Variants in PARG observed in about 807,000 individuals in gnomAD.
The protein encoded by PARG is mitochondrial poly(ADP-ribose) glycohydrolase.
A neutral mutation model predicts 113.0 loss-of-function variants in PARG; 35 were observed. The ratio of observed to expected loss-of-function variants is 0.31; its 90% CI spans 0.24 to 0.41. The LOEUF is 0.41. PARG is among the 10% of genes least tolerant of loss of function. The pLI, the probability that PARG is intolerant of heterozygous loss-of-function variation, is 1.00. For missense variants in PARG, 797 were observed against 1,169.4 expected (o/e 0.68, Z 4.64); for synonymous variants, 330 against 409.9 (o/e 0.81, Z 2.36).
chr10:49,938,337 A>T (rs1161121924), intron 1 of PARG, among the ~76,000 whole-genome samples: 6 of 152,028 alleles, frequency 3.9e-5, no homozygotes, highest in African/African-American at 1.5e-4. Context: ...TTCCACTGAG[A>T]TCAGTAATTC....
At chr10:49,835,614 T>C (rs918893121) in intron 15 of PARG, among the ~76,000 whole-genome samples, 10 of 151,380 alleles carry the variant, frequency 6.6e-5, no homozygotes, top group Non-Finnish European at 1.5e-4. Context: ...ATGGTAATGA[T>C]AAAGATGTAG....
intron 7 of PARG, among the ~76,000 whole-genome samples, chr10:49,891,623 ATTTTTTTTTTTTT>A (rs1160158066): frequency 2.1e-4 from 10 of 47,426 alleles, no homozygotes; most frequent in Non-Finnish European, 3.6e-4. Flanking sequence ...ATATATATAT[ATTTTTTTTTTTTT>A]TTTTTTTTTT....
intron 8 of PARG, among the ~76,000 whole-genome samples, chr10:49,882,464 G>C (rs1847263151): frequency 6.6e-6 from 1 of 151,930 alleles, no homozygotes; most frequent in Non-Finnish European, 1.5e-5. Context: ...TTTCAATAGG[G>C]GGCAAAGCAC....
intron 14 of PARG, among the ~76,000 whole-genome samples, chr10:49,842,578 G>C (rs1380785113): frequency 6.6e-6 from 1 of 152,198 alleles, no homozygotes; most frequent in Non-Finnish European, 1.5e-5. Flanking sequence ...ATTGCTGACT[G>C]TGAGAAACTA....
intron 8 of PARG, among the ~76,000 whole-genome samples, chr10:49,883,725 C>T (rs1195687446): frequency 3.3e-5 from 5 of 151,514 alleles, no homozygotes; most frequent in Admixed American, 2.6e-4. Flanking sequence ...CACTTGAACC[C>T]AGGAGGCAGA....
At chr10:49,902,267 TC>T (rs1848379011) in intron 7 of PARG, among the ~76,000 whole-genome samples, 1 of 152,202 alleles carries the variant, frequency 6.6e-6, no homozygotes, top group Non-Finnish European at 1.5e-5. Flanking sequence ...TTTTGGTAAC[TC>T]CAATTCATTT....
At chr10:49,823,828 A>C (rs1844225052) in intron 16 of PARG, among the ~76,000 whole-genome samples, 1 of 152,240 alleles carries the variant, frequency 6.6e-6, no homozygotes, top group Non-Finnish European at 1.5e-5. Context: ...GTATTAATAA[A>C]AAACATTTAA....
At position 49,922,529 on chromosome 10, in the gene PARG, T is replaced by C. The variant is rs782192924; in HGVS notation, c.1578+18A>G. On this transcript the variant is annotated intron_variant, in intron 5 of 17. Coordinates refer to ENST00000616448, the MANE Select transcript of PARG (RefSeq NM_003631.5). Reference sequence around the variant, plus strand: ...AACCATTTTTCAGAGACTAAAAGAATCTCGGTTTTGTTCTTACCTCATCTT... The same window carrying C: ...AACCATTTTTCAGAGACTAAAAGAACCTCGGTTTTGTTCTTACCTCATCTT... 6.2e-6 allele frequency: 10 copies of C among 1,610,552 alleles called. No individual in the cohort carries two copies. The African/African-American group carries it at 1.2e-4, about 19-fold the overall frequency.
intron 8 of PARG, among the ~76,000 whole-genome samples, chr10:49,880,588 T>C (rs1847165329): frequency 6.6e-6 from 1 of 152,186 alleles, no homozygotes; most frequent in Non-Finnish European, 1.5e-5. Flanking sequence ...ATTCTGTTTG[T>C]AAACCAAAAA....
At chr10:49,876,487 A>C (rs2132607382) in intron 9 of PARG, among the ~76,000 whole-genome samples, 1 of 151,446 alleles carries the variant, frequency 6.6e-6, no homozygotes, top group African/African-American at 2.4e-5. Context: ...TTCCTTGAGG[A>C]AAGTTTCCTT....
At chr10:49,834,697 T>G (rs1377900396) in intron 15 of PARG, among the ~76,000 whole-genome samples, 1 of 152,024 alleles carries the variant, frequency 6.6e-6, no homozygotes, top group Non-Finnish European at 1.5e-5. Flanking sequence ...GAGACCAGCC[T>G]GGGCAATATG....
chr10:49,924,950 C>G (rs1554850246), intron 4 of PARG, among the ~76,000 whole-genome samples: 1 of 152,192 alleles, frequency 6.6e-6, no homozygotes, highest in Non-Finnish European at 1.5e-5. Flanking sequence ...GGCTGCATAG[C>G]AGGAGGTGAG....
At chr10:49,927,333 AGAAG>A (rs200241862) in intron 4 of PARG, among the ~76,000 whole-genome samples, 10 of 137,792 alleles carry the variant, frequency 7.3e-5, no homozygotes, top group East Asian at 4.1e-4. Context: ...AAAGAAGGAA[AGAAG>A]GAAGGAAGGA....
At chr10:49,845,932 T>TTAAC (rs1360712815) in intron 13 of PARG, among the ~76,000 whole-genome samples, 1 of 151,644 alleles carries the variant, frequency 6.6e-6, no homozygotes, top group African/African-American at 2.4e-5. Context: ...TGCAATAAGA[T>TTAAC]TAACTCCTTT....
In PARG at chr10:49,818,779, G is replaced by T. The variant is rs927285235; in HGVS notation, c.*561C>A. ...TGGAAATTATTCTATCTTAAATAAA[G>T]AAACTATTTTAACCTAGGAGGTTTG... On this transcript the variant is annotated 3_prime_UTR_variant, in exon 18 of 18. Transcript: ENST00000616448. The T allele has an allele frequency of 6.6e-6, 1 of 152,086 alleles. No homozygotes were observed. Among genetic ancestry groups the T allele is most frequent in the Non-Finnish European group, 1.5e-5 (1 of 68,036 alleles). 9.4% of individuals were successfully genotyped at this position (152,086 alleles called of 1,614,324 possible). A position where few individuals can be genotyped will look rare whatever the true frequency, so the allele number is the denominator to read the frequency against.
At chr10:49,856,160 A>G (rs1189826256) in intron 13 of PARG, among the ~76,000 whole-genome samples, 1 of 151,912 alleles carries the variant, frequency 6.6e-6, no homozygotes, top group Non-Finnish European at 1.5e-5. Context: ...CAAGAAGGAC[A>G]AGAAGAAACA....
In PARG at chr10:49,933,727, A is replaced by G; in HGVS notation, c.721T>C (p.Cys241Arg). Residue 241 changes from cysteine (C) to arginine (R), a missense_variant, in exon 3 of 18, where the codon TGC becomes CGC. By Grantham distance (180) the Cys-to-Arg change is radical (BLOSUM62 -3). This residue lies in a region of PARG where 284 missense variants were observed against 306.1 expected (regional missense o/e 0.93). Transcript: ENST00000616448. ...AKSHQKCSKS[C>R]DPGEDCASCQ... ...CTTGCACAGTCTTCCCCAGGATCGC[A>G]AGACTTGCTGCACTTCTGGTGGCTT... 1 of 1,612,570 alleles carries G rather than the reference A, an allele frequency of 6.2e-7. No homozygotes were observed. The highest frequency in any genetic ancestry group is 8.5e-7 in the Non-Finnish European group (1 of 1,178,646).
At chr10:49,886,326 C>T (rs1474373515) in intron 7 of PARG, among the ~76,000 whole-genome samples, 1 of 152,142 alleles carries the variant, frequency 6.6e-6, no homozygotes, top group African/African-American at 2.4e-5. Context: ...AAGGTAAAAC[C>T]ATTTGTTTAT....
chr10:49,882,153 G>A (rs1202257391), intron 8 of PARG, among the ~76,000 whole-genome samples: 93 of 138,914 alleles, frequency 6.7e-4, no homozygotes, highest in African/African-American at 2.6e-3. Flanking sequence ...TCCTCTCTTG[G>A]TGAGGAGAAA....
Sources: gnomAD v4.1 joint callset for allele counts (sites outside exome capture counted in the v4.1 genomes callset) on GRCh38, gnomAD v4.1.1 for gene constraint, gnomAD v4.1.1 regional missense constraint, MANE v1.5 for transcripts, NCBI Gene and HGNC (gene_info 2026-07-23, HGNC 2026-07-21) for gene names.